Variants in PDE11A observed in about 807,000 individuals in gnomAD.
PDE11A encodes dual 3',5'-cyclic-AMP and -GMP phosphodiesterase 11A.
In PDE11A, 100 loss-of-function variants were observed where a neutral mutation model predicts 100.5. The observed-to-expected ratio is 1.00, with a 90% CI of 0.85 to 1.18. The LOEUF is 1.18. Ranked by LOEUF, PDE11A falls within the 50% of genes most tolerant of loss-of-function variation. The probability of loss-of-function intolerance (pLI) is 0.00; values close to 1 mark genes in which losing one functional copy is unlikely to be tolerated. For missense variants in PDE11A, 1,141 were observed against 1,152.6 expected (o/e 0.99, Z 0.15); for synonymous variants, 381 against 420.8 (o/e 0.91, Z 1.16).
At chr2:177,878,042 G>A (rs2084269535) in intron 4 of PDE11A, among the ~76,000 whole-genome samples, 1 of 152,084 alleles carries the variant, frequency 6.6e-6, no homozygotes, top group Non-Finnish European at 1.5e-5. Flanking sequence ...CTCAAGCTAG[G>A]CAAATGCAAC....
intron 1 of PDE11A, among the ~76,000 whole-genome samples, chr2:178,107,725 T>C (rs1258660121): frequency 2.1e-5 from 3 of 146,104 alleles, no homozygotes; most frequent in Non-Finnish European, 4.5e-5. Context: ...TTTTTTCTTT[T>C]TTTTTTTTTT....
chr2:177,686,014 C>T (rs1295363772), intron 15 of PDE11A, among the ~76,000 whole-genome samples: 1 of 152,194 alleles, frequency 6.6e-6, no homozygotes, highest in Non-Finnish European at 1.5e-5. Flanking sequence ...TCATAGACTT[C>T]ACATCACATT....
At chr2:177,738,033 C>T (rs1017399197) in intron 10 of PDE11A, among the ~76,000 whole-genome samples, 2 of 152,182 alleles carry the variant, frequency 1.3e-5, no homozygotes, top group Admixed American at 1.3e-4. Context: ...TTGCCAACCA[C>T]CCTGGTGATT....
intron 9 of PDE11A, among the ~76,000 whole-genome samples, chr2:177,816,267 A>AACAAGC (rs2083037837): frequency 6.6e-6 from 1 of 152,168 alleles, no homozygotes; most frequent in Non-Finnish European, 1.5e-5. Flanking sequence ...CTTGAGTCAA[A>AACAAGC]ACAAGCGTCT....
At chr2:178,096,173 T>TC (rs913296223) in intron 2 of PDE11A, among the ~76,000 whole-genome samples, 2 of 140,342 alleles carry the variant, frequency 1.4e-5, no homozygotes, top group Non-Finnish European at 3.2e-5. Context: ...TCTTTTCTTT[T>TC]TTTTTTTTGA....
intron 1 of PDE11A, among the ~76,000 whole-genome samples, chr2:178,053,127 C>A (rs2086850261): frequency 6.6e-6 from 1 of 152,198 alleles, no homozygotes; most frequent in South Asian, 2.1e-4. Flanking sequence ...AAAATACTGG[C>A]AAACTGAATC....
chr2:177,917,843 G>C (rs1334001648), intron 2 of PDE11A, among the ~76,000 whole-genome samples: 3 of 151,984 alleles, frequency 2.0e-5, no homozygotes, highest in African/African-American at 7.3e-5. Flanking sequence ...TAATGACATG[G>C]ATAATAAACC....
At chr2:177,853,730 G>A (rs186885199) in intron 5 of PDE11A, among the ~76,000 whole-genome samples, 993 of 88,320 alleles carry the variant, frequency 0.011, 23 homozygotes, top group Non-Finnish European at 0.018. Flanking sequence ...GTGTGTGTGT[G>A]TATATCTATA....
chr2:177,756,263 A>T (rs1354788079), intron 10 of PDE11A, among the ~76,000 whole-genome samples: 2 of 152,184 alleles, frequency 1.3e-5, no homozygotes, highest in Non-Finnish European at 2.9e-5. Flanking sequence ...CCTCACACAC[A>T]ACTCCTCAGA....
intron 6 of PDE11A, among the ~76,000 whole-genome samples, chr2:177,821,449 C>G (rs1239156609): frequency 1.3e-5 from 2 of 151,592 alleles, no homozygotes; most frequent in African/African-American, 4.8e-5. Context: ...AATTCTTGTA[C>G]ATACTTAGTG....
chr2:177,942,175 A>G lies in PDE11A; in HGVS notation c.1072-36988T>C, dbSNP rs576784840. Among the ~76,000 whole-genome samples the G allele has an allele frequency of 2.6e-5, 4 of 152,350 alleles. No homozygotes were observed. In the South Asian group the frequency reaches 8.3e-4, roughly 32 times the overall value. ...TTGCTGAGGTTGGGACCCTGGCTTC[A>G]TCATTCCCTCATTTTATGACCTTGG... On this transcript the variant is annotated intron_variant, in intron 2 of 19. Transcript: ENST00000286063.
At chr2:177,769,074 C>G (rs968161442) in intron 10 of PDE11A, among the ~76,000 whole-genome samples, 1 of 152,106 alleles carries the variant, frequency 6.6e-6, no homozygotes, top group Non-Finnish European at 1.5e-5. Flanking sequence ...TTTTTTTTCC[C>G]TGATATCGTG....
At chr2:177,779,539 C>T (rs544120139) in intron 9 of PDE11A, among the ~76,000 whole-genome samples, 43 of 152,292 alleles carry the variant, frequency 2.8e-4, no homozygotes, top group Admixed American at 2.6e-3. Context: ...GTTTTCATTT[C>T]AATAATGTTC....
chr2:177,752,549 A>C (rs1483726285), intron 10 of PDE11A, among the ~76,000 whole-genome samples: 1 of 152,230 alleles, frequency 6.6e-6, no homozygotes, highest in Non-Finnish European at 1.5e-5. Flanking sequence ...AGACGCATAT[A>C]CCCAAACATG....
rs529122772 is a variant in PDE11A at position 177,830,703 on chromosome 2, A to T, written c.1500+9548T>A. Among the ~76,000 whole-genome samples, 3 of 151,156 alleles carry T rather than the reference A, an allele frequency of 2.0e-5. No homozygotes were observed. The East Asian group carries it at 5.8e-4, about 29-fold the overall frequency. ...GGTGATCTGTTTTGCTGCAATAGAA[A>T]ATTAATATACATAATAACCCTGACA... is the stretch of plus-strand genomic sequence containing the variant. On this transcript the variant is annotated intron_variant, in intron 6 of 19. Transcript: ENST00000286063.
intron 4 of PDE11A, among the ~76,000 whole-genome samples, chr2:177,882,310 A>G (rs1321730123): frequency 6.6e-6 from 1 of 152,260 alleles, no homozygotes; most frequent in Non-Finnish European, 1.5e-5. Flanking sequence ...TGGGTTAAAA[A>G]ATAAAACAGC....
Position 177,689,752 on chromosome 2 carries a change from C to CA in PDE11A, c.2345+7579dup, listed in dbSNP as rs1024324883. Among the ~76,000 whole-genome samples the CA allele has an allele frequency of 1.4e-4, 22 of 152,250 alleles. No homozygotes were observed. In the East Asian group the frequency reaches 1.5e-3, roughly 11 times the overall value. On this transcript the variant is annotated intron_variant, in intron 15 of 19. Transcript: ENST00000286063. Reference sequence around the variant, plus strand: ...TGATGCTGTGCTTTTGTTGATGGCACAAATAAAACCGGCAAAATGCAGGAA... The same window carrying CA: ...TGATGCTGTGCTTTTGTTGATGGCACAAAATAAAACCGGCAAAATGCAGGAA...
chr2:178,076,613 C>T (rs1252313330), upstream of PDE11A, among the ~76,000 whole-genome samples: 1 of 152,180 alleles, frequency 6.6e-6, no homozygotes, highest in African/African-American at 2.4e-5. Flanking sequence ...TTTCTGTCTC[C>T]TAAGTTTGCC....
At position 177,825,409 on chromosome 2, in the gene PDE11A, G is replaced by A. The variant is rs141850015; in HGVS notation, c.1501-5114C>T. Reference sequence around the variant, plus strand: ...CAATCAGGTGGGAGAGGAGAACAAGGAAGGATGGCAGAGTGTGAGGAGAGT... The same window carrying A: ...CAATCAGGTGGGAGAGGAGAACAAGAAAGGATGGCAGAGTGTGAGGAGAGT... On this transcript the variant is annotated intron_variant, in intron 6 of 19. Transcript: ENST00000286063. 8.5e-5 allele frequency among the ~76,000 whole-genome samples: 13 copies of A among 152,300 alleles called. No homozygotes were observed. The East Asian group carries it at 2.3e-3, about 27-fold the overall frequency.
Sources: allele counts gnomAD v4.1 joint callset (sites outside exome capture counted in the v4.1 genomes callset), GRCh38; gene constraint gnomAD v4.1.1; transcripts MANE v1.5; gene names NCBI Gene and HGNC (gene_info 2026-07-23, HGNC 2026-07-21).